Variants in PIEZO2 observed in about 807,000 individuals in gnomAD.
PIEZO2 encodes piezo type mechanosensitive ion channel component 2.
Under a neutral mutation model 337.3 loss-of-function variants are expected in PIEZO2, and 172 were observed. The ratio of observed to expected loss-of-function variants is 0.51; its 90% CI spans 0.45 to 0.58. PIEZO2 has a LOEUF of 0.58. Among genes scored for constraint, PIEZO2 ranks in the 20% least tolerant of loss-of-function variants. The probability of loss-of-function intolerance (pLI) is 0.00; values close to 1 mark genes in which losing one functional copy is unlikely to be tolerated. For missense variants in PIEZO2, 3,028 were observed against 3,391.3 expected, an observed-to-expected ratio of 0.89 and a Z score of 2.66; for synonymous variants, 1,251 against 1,228.5, an observed-to-expected ratio of 1.02 and a Z score of -0.38.
intron 3 of PIEZO2, among the ~76,000 whole-genome samples, chr18:10,949,142 G>A (rs997207254): frequency 1.3e-5 from 2 of 152,284 alleles, no homozygotes; most frequent in Admixed American, 6.5e-5. Context: ...TAAAATTTCC[G>A]AGGAAGTAAT....
chr18:10,855,251 C>G lies in PIEZO2; in HGVS notation c.917+102G>C, dbSNP rs146418428. 327 of 1,042,778 alleles carry G rather than the reference C, an allele frequency of 3.1e-4. 1 individual carries two copies. The East Asian group carries it at 8.0e-3, about 25-fold the overall frequency. The allele number at this position is 1,042,778 out of a possible 1,614,324, so 64.6% of individuals were successfully genotyped here. The stretch of plus-strand genomic sequence containing the variant: ...AATCTTTGCTTAACACAGCAATTGC[C>G]TGCCATCAAGAATAACCCCTGTAAA... On this transcript the variant is annotated intron_variant, in intron 7 of 55. Coordinates refer to ENST00000674853, the MANE Select transcript of PIEZO2 (RefSeq NM_001378183.1). This position sits in a 1 kb window ranked among gnomAD's most constrained non-coding sequence, Gnocchi z 4.9.
Position 10,718,239 on chromosome 18 carries a change from G to T in PIEZO2, c.5050C>A (p.Arg1684=), listed in dbSNP as rs533157733. 3 of 1,536,844 alleles carry T rather than the reference G, an allele frequency of 2.0e-6. No individual in the cohort carries two copies. Among genetic ancestry groups the T allele is most frequent in the Non-Finnish European group, 1.7e-6 (2 of 1,146,680 alleles). Residue 1684 remains arginine (R), a synonymous_variant, in exon 37 of 56, where the codon CGG becomes AGG. Transcript: ENST00000674853. ...SKEGPVEWED[R]EDEPIKKKSD... ...TTCTTTTTGATTGGTTCATCCTCCC[G>T]GTCTTCCCATTCCACAGGACCTGCC...
chr18:10,935,564 T>C (rs980733671), intron 3 of PIEZO2, among the ~76,000 whole-genome samples: 2 of 152,242 alleles, frequency 1.3e-5, no homozygotes, highest in Non-Finnish European at 2.9e-5. Flanking sequence ...CACATTGCTC[T>C]TTCAAGTCTT....
At chr18:10,970,089 T>A (rs559569554) in intron 3 of PIEZO2, among the ~76,000 whole-genome samples, 4 of 152,152 alleles carry the variant, frequency 2.6e-5, no homozygotes, top group Non-Finnish European at 5.9e-5. Context: ...TCACTCAACA[T>A]TAAAAGTTTA....
intron 4 of PIEZO2, among the ~76,000 whole-genome samples, chr18:10,898,119 C>T (rs2042950111): frequency 6.6e-6 from 1 of 152,326 alleles, no homozygotes; most frequent in East Asian, 1.9e-4. Flanking sequence ...TACAGCATTC[C>T]ACCCTTGCAT....
At position 10,718,239 on chromosome 18, in the gene PIEZO2, G is replaced by A. The variant is rs533157733; in HGVS notation, c.5050C>T (p.Arg1684Trp). 3.4e-5 allele frequency: 52 copies of A among 1,536,726 alleles called. No homozygotes were observed. Among genetic ancestry groups the A allele is most frequent in the Middle Eastern group, 1.7e-4 (1 of 6,012 alleles). Residue 1684 changes from arginine to tryptophan, a missense_variant, in exon 37 of 56, where the codon CGG becomes TGG. Coordinates refer to ENST00000674853, the MANE Select transcript of PIEZO2 (RefSeq NM_001378183.1). ...SKEGPVEWED[R>W]EDEPIKKKSD... ...TTCTTTTTGATTGGTTCATCCTCCC[G>A]GTCTTCCCATTCCACAGGACCTGCC...
chr18:11,089,746 C>A (rs1028154066), intron 1 of PIEZO2, among the ~76,000 whole-genome samples: 2 of 152,182 alleles, frequency 1.3e-5, no homozygotes, highest in African/African-American at 4.8e-5. Context: ...TTGCAGGGGT[C>A]CTCAGGAGGA....
At position 10,954,017 on chromosome 18, in the gene PIEZO2, A is replaced by G. The variant is rs2033417081; in HGVS notation, c.286+25518T>C. Among the ~76,000 whole-genome samples, 1 of 152,246 alleles carries G rather than the reference A, an allele frequency of 6.6e-6. No homozygotes were observed. Among genetic ancestry groups the G allele is most frequent in the Non-Finnish European group, 1.5e-5 (1 of 68,036 alleles). On this transcript the variant is annotated intron_variant, in intron 3 of 55. Coordinates refer to ENST00000674853, the MANE Select transcript of PIEZO2 (RefSeq NM_001378183.1). This position sits in a 1 kb window ranked among gnomAD's most constrained non-coding sequence, Gnocchi z 4.2. ...ATCTGCTGAAAGCAGGGAACTCACA[A>G]TATGGCCTTTAGGGTCCCTTGAGGC... is the stretch of plus-strand genomic sequence containing the variant.
intron 1 of PIEZO2, among the ~76,000 whole-genome samples, chr18:11,115,556 C>T (rs2039863342): frequency 1.3e-5 from 2 of 152,132 alleles, no homozygotes; most frequent in South Asian, 4.1e-4. Context: ...TGTATTGAGA[C>T]AAATATTATG....
chr18:10,978,510 A>G (rs2034535346), intron 3 of PIEZO2, among the ~76,000 whole-genome samples: 1 of 152,236 alleles, frequency 6.6e-6, no homozygotes, highest in Non-Finnish European at 1.5e-5. Flanking sequence ...TGAAATCAAT[A>G]AAATGGCTGG....
chr18:10,711,959 C>T (rs539246336), intron 39 of PIEZO2, among the ~76,000 whole-genome samples: 3 of 147,204 alleles, frequency 2.0e-5, no homozygotes, highest in South Asian at 2.2e-4. Context: ...CAGTGGGATG[C>T]GTGTGAATGT....
At position 10,748,702 on chromosome 18, in the gene PIEZO2, T is replaced by C; in HGVS notation, c.4265-72A>G. On this transcript the variant is annotated intron_variant, in intron 29 of 55. Transcript: ENST00000674853. The surrounding 1 kb of genome is among the most constrained non-coding windows in gnomAD (Gnocchi z 5.1). ...CATTGTAATTTTATAAAATCTGAGG[T>C]ATGGTCAGGCTTGGGAAATATAGGC... 1 of 1,345,124 alleles carries C rather than the reference T, an allele frequency of 7.4e-7. No individual in the cohort carries two copies. Among genetic ancestry groups the C allele is most frequent in the Non-Finnish European group, 9.8e-7 (1 of 1,024,478 alleles). The allele number at this position is 1,345,124 out of a possible 1,614,324, so 83.3% of individuals were successfully genotyped here.
At position 10,860,539 on chromosome 18, in the gene PIEZO2, A is replaced by G. The variant is rs374969396; in HGVS notation, c.493-3328T>C. ...AGGACACCCACACCATCGTCAACACACAAATGACCTGCTCATCAGGCATCT... is the reference window on the plus strand; with the variant it reads ...AGGACACCCACACCATCGTCAACACGCAAATGACCTGCTCATCAGGCATCT... On this transcript the variant is annotated intron_variant, in intron 5 of 55. Coordinates refer to ENST00000674853, the MANE Select transcript of PIEZO2 (RefSeq NM_001378183.1). Among the ~76,000 whole-genome samples the G allele has an allele frequency of 1.1e-4, 16 of 152,292 alleles. No homozygotes were observed. The East Asian group carries it at 3.1e-3, about 29-fold the overall frequency.
intron 3 of PIEZO2, among the ~76,000 whole-genome samples, chr18:10,931,465 C>T (rs1004264824): frequency 2.0e-5 from 3 of 152,204 alleles, no homozygotes; most frequent in African/African-American, 7.2e-5. Context: ...TCCCAAAGTG[C>T]TGGGATTACA....
rs1282705729 is a variant in PIEZO2 at position 11,028,263 on chromosome 18, TA to T, written c.160+37863del. Among the ~76,000 whole-genome samples, 17 of 151,166 alleles carry T rather than the reference TA, an allele frequency of 1.1e-4. No homozygotes were observed. The highest frequency in any genetic ancestry group is 1.0e-3 in the South Asian group (5 of 4,810). ...CTTCTTCTTCTTCTTTATTTTTTAT[TA>T]TTTTTTTTTATTTTTTGAGACAGAG... On this transcript the variant is annotated intron_variant, in intron 2 of 55. Transcript: ENST00000674853. This position sits in a 1 kb window ranked among gnomAD's most constrained non-coding sequence, Gnocchi z 4.8.
intron 1 of PIEZO2, among the ~76,000 whole-genome samples, chr18:11,086,475 C>A (rs1001895799): frequency 6.7e-6 from 1 of 150,084 alleles, no homozygotes; most frequent in East Asian, 1.9e-4. Context: ...GCCGAGATCC[C>A]GCCACTGCAC....
intron 1 of PIEZO2, among the ~76,000 whole-genome samples, chr18:11,085,844 G>GA (rs11356011): frequency 8.4e-4 from 120 of 142,570 alleles, no homozygotes; most frequent in South Asian, 1.5e-3. Context: ...GGCAAGAAAG[G>GA]AAAAAAAAAA....
chr18:10,738,160 G>A (rs993953526), intron 33 of PIEZO2: 3 of 152,204 alleles, frequency 2.0e-5, no homozygotes, highest in African/African-American at 7.2e-5. Context: ...ACAAACCAAA[G>A]TTACAGCATT....
chr18:10,763,106 C>T lies in PIEZO2; in HGVS notation c.2947-8G>A, dbSNP rs764308111. The T allele has an allele frequency of 3.9e-6, 6 of 1,535,348 alleles. No individual in the cohort carries two copies. The highest frequency in any genetic ancestry group is 1.7e-6 in the Non-Finnish European group (2 of 1,146,184). ...ATAGTTGAACAGAGACACCTGAAAA[C>T]GTAAAACCAGAAATGGGGACAAAAA... On this transcript the variant is annotated splice_region_variant and splice_polypyrimidine_tract_variant and intron_variant, in intron 21 of 55. Transcript: ENST00000674853.
Sources: gnomAD v4.1 joint callset for allele counts (sites outside exome capture counted in the v4.1 genomes callset) on GRCh38, gnomAD v4.1.1 for gene constraint, Gnocchi (gnomAD v3.1) non-coding constraint, MANE v1.5 for transcripts, NCBI Gene and HGNC (gene_info 2026-07-23, HGNC 2026-07-21) for gene names.